Variants in PON3 observed in about 807,000 individuals in gnomAD.
The protein encoded by PON3 is serum paraoxonase/lactonase 3.
In PON3, 37 loss-of-function variants were observed where a neutral mutation model predicts 36.3. The observed-to-expected ratio is 1.02, with a 90% CI of 0.78 to 1.34. The LOEUF is 1.34. Among genes scored for constraint, PON3 ranks in the 40% most tolerant of loss-of-function variants. The pLI is 0.00. For synonymous variants in PON3, 155 were observed against 154.8 expected (o/e 1.00, Z -0.01); for missense variants, 415 against 426.5 (o/e 0.97, Z 0.24).
intron 8 of PON3, among the ~76,000 whole-genome samples, chr7:95,361,932 G>T (rs1808576834): frequency 6.6e-6 from 1 of 152,088 alleles, no homozygotes; most frequent in South Asian, 2.1e-4. Flanking sequence ...GTATATGTTA[G>T]AACTTACAGG....
rs1356534458 is a variant in PON3 at position 95,360,062 on chromosome 7, C to G, written c.976G>C (p.Val326Leu). The part of the protein sequence containing the change: ...VSTVYANNGS[V>L]LQGTSVASVY... ...GAAGCCACAGAGGTGCCCTGAAGCA[C>G]AGAGCCATTGTTGGCATACACGGTG... Residue 326 changes from valine to leucine, a missense_variant, in exon 9 of 9, where the codon GTG becomes CTG. Coordinates refer to ENST00000265627, the MANE Select transcript of PON3 (RefSeq NM_000940.3). The G allele has an allele frequency of 3.1e-6, 5 of 1,613,238 alleles. No homozygotes were observed. The highest frequency in any genetic ancestry group is 4.2e-6 in the Non-Finnish European group (5 of 1,179,610).
intron 3 of PON3, among the ~76,000 whole-genome samples, chr7:95,386,220 T>C (rs1044777023): frequency 1.3e-5 from 2 of 151,926 alleles, no homozygotes; most frequent in Non-Finnish European, 2.9e-5. Context: ...ATCAACAAAA[T>C]AGATAGACCA....
intron 3 of PON3, among the ~76,000 whole-genome samples, chr7:95,389,114 G>T (rs1259633834): frequency 6.6e-6 from 1 of 152,044 alleles, no homozygotes; most frequent in Non-Finnish European, 1.5e-5. Context: ...ACTGACAATA[G>T]AAAATTTAGG....
At position 95,362,309 on chromosome 7, in the gene PON3, C is replaced by G. The variant is rs910749617; in HGVS notation, c.906+53G>C. The stretch of plus-strand genomic sequence containing the variant: ...CTTAAATTCTTCCAAGTCACCCCAA[C>G]AAATTTGTTCTTGCAGCTTTGCCTG... On this transcript the variant is annotated intron_variant, in intron 8 of 8. Transcript: ENST00000265627. 3.7e-6 allele frequency: 6 copies of G among 1,608,252 alleles called. No individual in the cohort carries two copies. In the East Asian group the frequency reaches 1.3e-4, roughly 36 times the overall value.
At chr7:95,396,111 T>C in intron 1 of PON3, 166 bp downstream of exon 1, 2 of 741,932 alleles carry the variant, frequency 2.7e-6, no homozygotes, top group Non-Finnish European at 4.8e-6. Context: ...TAGCTCACTT[T>C]CCCCATAAGC....
At chr7:95,386,996 A>G (rs1430897136) in intron 3 of PON3, among the ~76,000 whole-genome samples, 1 of 152,224 alleles carries the variant, frequency 6.6e-6, no homozygotes, top group South Asian at 2.1e-4. Context: ...CAAAATAATA[A>G]GAGCTATTTA....
intron 8 of PON3, among the ~76,000 whole-genome samples, chr7:95,362,098 G>A (rs919347316): frequency 4.6e-5 from 7 of 152,214 alleles, no homozygotes; most frequent in East Asian, 3.9e-4. Context: ...TTGGAAATAC[G>A]ATATGGCAAT....
At chr7:95,373,146 T>C (rs915848170) in intron 3 of PON3, among the ~76,000 whole-genome samples, 2 of 152,190 alleles carry the variant, frequency 1.3e-5, no homozygotes, top group African/African-American at 2.4e-5. Flanking sequence ...TATCACTGGA[T>C]ATATATCAAT....
At chr7:95,370,829 C>T (rs1808793546) in intron 4 of PON3, among the ~76,000 whole-genome samples, 1 of 152,178 alleles carries the variant, frequency 6.6e-6, no homozygotes, top group Admixed American at 6.5e-5. Flanking sequence ...CCACTGAATT[C>T]AGACTTTTAA....
At chr7:95,382,551 A>G (rs1261306810) in intron 3 of PON3, among the ~76,000 whole-genome samples, 2 of 152,216 alleles carry the variant, frequency 1.3e-5, no homozygotes, top group African/African-American at 4.8e-5. Flanking sequence ...AATACAAACT[A>G]CCATCACAGG....
rs1374876165 is a variant in PON3, at chr7:95,362,815, G to A, written c.722C>T (p.Ala241Val). 1.2e-6 allele frequency: 2 copies of A among 1,611,558 alleles called. No homozygotes were observed. The highest frequency in any genetic ancestry group is 4.5e-5 in the East Asian group (2 of 44,850). Reference sequence around the variant, plus strand: ...TTTTTCCATTATGTGAATGTTCTTAGCTGCTACATCAGCTACATAGACATA... The same window carrying A: ...TTTTTCCATTATGTGAATGTTCTTAACTGCTACATCAGCTACATAGACATA... ...QKYVYVADVAAKNIHIMEKHD... is the reference protein window; with the variant it reads ...QKYVYVADVAVKNIHIMEKHD... Residue 241 changes from alanine (A) to valine (V), a missense_variant, in exon 7 of 9, where the codon GCT (alanine) becomes GTT (valine). Physicochemically the swap from Ala to Val is moderately conservative, Grantham distance 64. Transcript: ENST00000265627.
intron 4 of PON3, among the ~76,000 whole-genome samples, chr7:95,367,830 C>T (rs1808732327): frequency 6.6e-6 from 1 of 152,176 alleles, no homozygotes; most frequent in East Asian, 1.9e-4. Context: ...CCCCAGATGG[C>T]CCTTCAGCAA....
At chr7:95,374,098 C>T (rs1342926246) in intron 3 of PON3, among the ~76,000 whole-genome samples, 5 of 152,132 alleles carry the variant, frequency 3.3e-5, no homozygotes, top group African/African-American at 1.2e-4. Flanking sequence ...CCCCACTCCC[C>T]CTCCATGATC....
intron 3 of PON3, among the ~76,000 whole-genome samples, chr7:95,385,835 A>G (rs1191780334): frequency 6.6e-6 from 1 of 152,230 alleles, no homozygotes. Flanking sequence ...TAATGAAATG[A>G]AGGCAGAAAT....
At position 95,362,634 on chromosome 7, in the gene PON3, A is replaced by T. The variant is rs1178377205; in HGVS notation, c.777+126T>A. 35 of 1,389,602 alleles carry T rather than the reference A, an allele frequency of 2.5e-5. No individual in the cohort carries two copies. The East Asian group carries it at 6.0e-4, about 24-fold the overall frequency. 86.1% of individuals were successfully genotyped at this position (1,389,602 alleles called of 1,614,324 possible). A position where few individuals can be genotyped will look rare whatever the true frequency, so the allele number is the denominator to read the frequency against. On this transcript the variant is annotated intron_variant, in intron 7 of 8. Transcript: ENST00000265627. ...CTTTGCTTCTGTATTTTAGAAACGCATGCATAATCTCACTGGCATTGCTCT... is the reference window on the plus strand; with the variant it reads ...CTTTGCTTCTGTATTTTAGAAACGCTTGCATAATCTCACTGGCATTGCTCT...
chr7:95,366,930 T>TGTAATTAA (rs1366895743), intron 5 of PON3, among the ~76,000 whole-genome samples: 1 of 152,260 alleles, frequency 6.6e-6, no homozygotes, highest in Non-Finnish European at 1.5e-5. Context: ...TAAAAAATTC[T>TGTAATTAA]ACTTTAAAGC....
rs112060840 is a variant in PON3 at position 95,380,203 on chromosome 7, C to A, written c.202-7865G>T. On this transcript the variant is annotated intron_variant, in intron 3 of 8. Coordinates refer to ENST00000265627, the MANE Select transcript of PON3 (RefSeq NM_000940.3). ...CATCCACACCAAAACCCCATCTGTA[C>A]GTCAGCATCATCAAAGACCAAAGGT... 5.3e-3 allele frequency among the ~76,000 whole-genome samples: 808 copies of A among 152,244 alleles called. 5 individuals are homozygous for A. The highest frequency in any genetic ancestry group is 0.018 in the African/African-American group (763 of 41,536).
chr7:95,381,880 C>T (rs1809063116), intron 3 of PON3, among the ~76,000 whole-genome samples: 2 of 152,168 alleles, frequency 1.3e-5, no homozygotes, highest in Admixed American at 6.5e-5. Context: ...AACTCTCCAC[C>T]CAAATTAACA....
At chr7:95,389,715 C>T (rs1392168864) in intron 3 of PON3, among the ~76,000 whole-genome samples, 1 of 151,992 alleles carries the variant, frequency 6.6e-6, no homozygotes, top group African/African-American at 2.4e-5. Flanking sequence ...AATCGAGTAA[C>T]GTGGTTAATA....
Sources: gnomAD v4.1 joint callset for allele counts (sites outside exome capture counted in the v4.1 genomes callset) on GRCh38, gnomAD v4.1.1 for gene constraint, MANE v1.5 for transcripts, NCBI Gene and HGNC (gene_info 2026-07-23, HGNC 2026-07-21) for gene names.